The following UBE2E2 variants were observed in gnomAD, a reference collection of about 807,000 sequenced individuals.
The protein encoded by UBE2E2 is ubiquitin-conjugating enzyme E2 E2.
In UBE2E2, 6 loss-of-function variants were observed where a neutral mutation model predicts 24.7. The observed-to-expected ratio is 0.24, with a 90% CI of 0.13 to 0.48. The LOEUF (loss-of-function observed/expected upper bound fraction) is 0.48, where lower values mean the gene tolerates loss of function less well. Ranked by LOEUF, UBE2E2 falls within the 20% of genes least tolerant of loss-of-function variation. The pLI is 0.99. For missense variants in UBE2E2, 169 were observed against 245.0 expected (o/e 0.69, Z 2.07); for synonymous variants, 104 against 83.6 (o/e 1.24, Z -1.33).
intron 5 of UBE2E2, among the ~76,000 whole-genome samples, chr3:23,562,567 G>A (rs1695960923): frequency 1.3e-5 from 2 of 152,134 alleles, no homozygotes; most frequent in South Asian, 2.1e-4. Flanking sequence ...TTGGTATCAG[G>A]ATGATGCTGG....
At chr3:23,358,268 C>G (rs1696019798) in intron 3 of UBE2E2, among the ~76,000 whole-genome samples, 1 of 152,050 alleles carries the variant, frequency 6.6e-6, no homozygotes, top group Non-Finnish European at 1.5e-5. Flanking sequence ...CAGTCAGCAA[C>G]TACTGATTTC....
chr3:23,271,542 C>T (rs1698242777), intron 3 of UBE2E2, among the ~76,000 whole-genome samples: 1 of 152,164 alleles, frequency 6.6e-6, no homozygotes, highest in South Asian at 2.1e-4. Flanking sequence ...TACTGATTGG[C>T]CCATTTTATG....
chr3:23,289,428 C>T, intron 3 of UBE2E2, among the ~76,000 whole-genome samples: 1 of 152,214 alleles, frequency 6.6e-6, no homozygotes, highest in African/African-American at 2.4e-5. Flanking sequence ...GCATTCTTTG[C>T]AGACATACCT....
At chr3:23,504,773 AC>A (rs1694396352) in intron 4 of UBE2E2, among the ~76,000 whole-genome samples, 1 of 152,154 alleles carries the variant, frequency 6.6e-6, no homozygotes, top group South Asian at 2.1e-4. Flanking sequence ...TAAAAGTCTT[AC>A]ATCAAATAAA....
At chr3:23,291,505 A>C (rs1452535106) in intron 3 of UBE2E2, among the ~76,000 whole-genome samples, 1 of 152,184 alleles carries the variant, frequency 6.6e-6, no homozygotes, top group Non-Finnish European at 1.5e-5. Flanking sequence ...GGTTTAATAA[A>C]ATGCAGAGAC....
At chr3:23,219,516 A>G (rs1559443779) in intron 3 of UBE2E2, among the ~76,000 whole-genome samples, 1 of 152,194 alleles carries the variant, frequency 6.6e-6, no homozygotes, top group African/African-American at 2.4e-5. Context: ...CAAAGTTAAC[A>G]GTGCTTTTGT....
At chr3:23,215,278 C>T (rs1261741765) in intron 2 of UBE2E2, among the ~76,000 whole-genome samples, 2 of 152,052 alleles carry the variant, frequency 1.3e-5, no homozygotes, top group Non-Finnish European at 2.9e-5. Flanking sequence ...ATCTTCTATG[C>T]TTTGTCTGTA....
At chr3:23,568,316 A>G (rs1696124711) in intron 5 of UBE2E2, among the ~76,000 whole-genome samples, 1 of 152,250 alleles carries the variant, frequency 6.6e-6, no homozygotes, top group African/African-American at 2.4e-5. Flanking sequence ...GGGGGGTGGA[A>G]TTGATATATT....
At chr3:23,204,464 G>T (rs1038015747) in intron 1 of UBE2E2, among the ~76,000 whole-genome samples, 2 of 152,030 alleles carry the variant, frequency 1.3e-5, no homozygotes, top group Non-Finnish European at 2.9e-5. Context: ...AGTATCTCGC[G>T]GTTCTAAAGG....
intron 3 of UBE2E2, among the ~76,000 whole-genome samples, chr3:23,243,623 G>A (rs982869847): frequency 6.6e-6 from 1 of 152,048 alleles, no homozygotes. Context: ...TAATTCTACT[G>A]TTCAGCCATA....
intron 3 of UBE2E2, among the ~76,000 whole-genome samples, chr3:23,458,826 TG>T (rs1274157822): frequency 6.6e-6 from 1 of 152,008 alleles, no homozygotes; most frequent in Non-Finnish European, 1.5e-5. Flanking sequence ...TGGAAAATGG[TG>T]CTGATGGACT....
In UBE2E2 at chr3:23,576,039, C is replaced by G. The variant is rs768491571; in HGVS notation, c.509-13695C>G. Among the ~76,000 whole-genome samples, 2 of 152,158 alleles carry G rather than the reference C, an allele frequency of 1.3e-5. 1 individual carries two copies. The highest frequency in any genetic ancestry group is 4.2e-4 in the South Asian group (2 of 4,800). On this transcript the variant is annotated intron_variant, in intron 5 of 5. Transcript: ENST00000396703. The stretch of plus-strand genomic sequence containing the variant: ...AAATAAAATATGGAAGGATGAGGGT[C>G]AAACCATTAACTGTAGTTGCCTCAA...
intron 3 of UBE2E2, among the ~76,000 whole-genome samples, chr3:23,456,154 T>G (rs1309244268): frequency 1.3e-5 from 2 of 152,256 alleles, no homozygotes; most frequent in Non-Finnish European, 2.9e-5. Flanking sequence ...TGTTCAAGTT[T>G]GATCATAAGA....
At chr3:23,237,197 A>G (rs2125335697) in intron 3 of UBE2E2, among the ~76,000 whole-genome samples, 1 of 152,304 alleles carries the variant, frequency 6.6e-6, no homozygotes, top group South Asian at 2.1e-4. Flanking sequence ...TAAGGGCTCA[A>G]AAATTGTTAG....
At chr3:23,322,805 A>T (rs1694780803) in intron 3 of UBE2E2, among the ~76,000 whole-genome samples, 1 of 151,842 alleles carries the variant, frequency 6.6e-6, no homozygotes, top group South Asian at 2.1e-4. Context: ...AATACAGTGT[A>T]TTTTCTCTAT....
intron 3 of UBE2E2, among the ~76,000 whole-genome samples, chr3:23,403,572 G>A (rs1196671857): frequency 3.9e-5 from 6 of 152,200 alleles, no homozygotes; most frequent in African/African-American, 1.4e-4. Flanking sequence ...TGTAATCCCA[G>A]CACTTAGGGA....
intron 3 of UBE2E2, among the ~76,000 whole-genome samples, chr3:23,310,300 C>T (rs1166069612): frequency 1.3e-4 from 19 of 144,098 alleles, no homozygotes; most frequent in East Asian, 1.2e-3. Context: ...AAAGGCATGC[C>T]TTTTTTTTTT....
At chr3:23,480,175 C>T (rs1219632867) in intron 3 of UBE2E2, among the ~76,000 whole-genome samples, 4 of 152,208 alleles carry the variant, frequency 2.6e-5, no homozygotes, top group African/African-American at 4.8e-5. Flanking sequence ...CCCTCCTGCA[C>T]TCGTAGGTGT....
chr3:23,479,871 A>C (rs1306522107), intron 3 of UBE2E2, among the ~76,000 whole-genome samples: 4 of 152,124 alleles, frequency 2.6e-5, no homozygotes, highest in African/African-American at 9.7e-5. Flanking sequence ...GAATGGAGGC[A>C]GTACATGCTG....
Sources: gnomAD v4.1 joint callset for allele counts (sites outside exome capture counted in the v4.1 genomes callset) on GRCh38, gnomAD v4.1.1 for gene constraint, MANE v1.5 for transcripts, NCBI Gene and HGNC (gene_info 2026-07-23, HGNC 2026-07-21) for gene names.